PACRG: variants seen among roughly 807,000 people sequenced by gnomAD.
PACRG encodes parkin coregulated.
Under a neutral mutation model 29.7 loss-of-function variants are expected in PACRG, and 29 were observed. That is an observed-to-expected ratio of 0.98 (90% CI 0.73 to 1.33). The LOEUF (loss-of-function observed/expected upper bound fraction) is 1.33, where lower values mean the gene tolerates loss of function less well. PACRG is among the 40% of genes most tolerant of loss of function. The probability of loss-of-function intolerance (pLI) is 0.00; values close to 1 mark genes in which losing one functional copy is unlikely to be tolerated. For missense variants in PACRG, 279 were observed against 316.2 expected (o/e 0.88, Z 0.89); for synonymous variants, 116 against 118.7 (o/e 0.98, Z 0.15).
At chr6:162,973,068 GA>G (rs1334483320) in intron 2 of PACRG, among the ~76,000 whole-genome samples, 1 of 152,088 alleles carries the variant, frequency 6.6e-6, no homozygotes, top group Non-Finnish European at 1.5e-5. Context: ...CATCAGTAAA[GA>G]AAAAAATGTA....
chr6:163,126,823 T>A (rs2128327392), intron 4 of PACRG, among the ~76,000 whole-genome samples: 1 of 152,322 alleles, frequency 6.6e-6, no homozygotes, highest in South Asian at 2.1e-4. Flanking sequence ...GGTGTTCACA[T>A]TTCTTCTTGT....
At chr6:162,776,518 A>G (rs987487386) in intron 1 of PACRG, among the ~76,000 whole-genome samples, 1 of 152,164 alleles carries the variant, frequency 6.6e-6, no homozygotes, top group South Asian at 2.1e-4. Context: ...GGGATTAAAG[A>G]TAGCGTCCAG....
At chr6:162,900,213 A>G (rs1795462765) in intron 2 of PACRG, among the ~76,000 whole-genome samples, 1 of 151,978 alleles carries the variant, frequency 6.6e-6, no homozygotes, top group Non-Finnish European at 1.5e-5. Flanking sequence ...TGCACTCACA[A>G]TGCTCACGGA....
chr6:163,062,795 A>C (rs1255355037), intron 3 of PACRG, among the ~76,000 whole-genome samples: 1 of 152,190 alleles, frequency 6.6e-6, no homozygotes, highest in Non-Finnish European at 1.5e-5. Flanking sequence ...TTTAATCTAC[A>C]ATAGGTAAGC....
chr6:163,184,051 A>G (rs1276520208), intron 4 of PACRG, among the ~76,000 whole-genome samples: 1 of 152,244 alleles, frequency 6.6e-6, no homozygotes, highest in Non-Finnish European at 1.5e-5. Flanking sequence ...ACTGTGAAAG[A>G]GTTTGCTACA....
At chr6:162,943,678 G>A (rs547712538) in intron 2 of PACRG, among the ~76,000 whole-genome samples, 81 of 152,182 alleles carry the variant, frequency 5.3e-4, no homozygotes, top group African/African-American at 1.8e-3. Context: ...TCCAGTGCCT[G>A]AGCTCGCCGT....
chr6:163,233,697 G>A (rs182296587), intron 4 of PACRG, among the ~76,000 whole-genome samples: 1 of 152,190 alleles, frequency 6.6e-6, no homozygotes, highest in Admixed American at 6.5e-5. Flanking sequence ...TGGAGAAAAT[G>A]GAAATATTTG....
chr6:163,272,892 C>CTTTTTTTTTTTTTTT lies in PACRG; in HGVS notation c.614-41932_614-41918dup. On this transcript the variant is annotated intron_variant, in intron 4 of 4. Coordinates refer to ENST00000366888, the MANE Select transcript of PACRG (RefSeq NM_001080379.2). Reference sequence around the variant, plus strand: ...AAACATTTGGTAATGATGCATCATTCTTTTTTTTTTTTTTTTTGAGACGGA... The same window carrying CTTTTTTTTTTTTTTT: ...AAACATTTGGTAATGATGCATCATTCTTTTTTTTTTTTTTTTTTTTTTTTTTTTTTTTGAGACGGA... 2.8e-3 allele frequency among the ~76,000 whole-genome samples: 303 copies of CTTTTTTTTTTTTTTT among 109,424 alleles called. 23 individuals carry two copies. The highest frequency in any genetic ancestry group is 3.4e-3 in the Non-Finnish European group (190 of 55,766). 71.8% of individuals were successfully genotyped at this position (109,424 alleles called of 152,430 possible).
intron 2 of PACRG, among the ~76,000 whole-genome samples, chr6:163,045,950 T>C (rs1159233327): frequency 2.0e-5 from 3 of 152,092 alleles, no homozygotes; most frequent in African/African-American, 4.8e-5. Context: ...TTCACTCCTA[T>C]ACGTTGATCT....
intron 4 of PACRG, among the ~76,000 whole-genome samples, chr6:163,201,317 T>C (rs901818387): frequency 2.0e-5 from 3 of 152,238 alleles, no homozygotes; most frequent in Non-Finnish European, 4.4e-5. Flanking sequence ...CCAGGAAGAC[T>C]ACAACATTTA....
At chr6:163,006,631 C>T (rs1218988920) in intron 2 of PACRG, among the ~76,000 whole-genome samples, 1 of 151,764 alleles carries the variant, frequency 6.6e-6, no homozygotes, top group Non-Finnish European at 1.5e-5. Context: ...TTATTAGGTG[C>T]ATAACTCTTT....
At chr6:163,011,245 C>T (rs905603596) in intron 2 of PACRG, among the ~76,000 whole-genome samples, 1 of 152,152 alleles carries the variant, frequency 6.6e-6, no homozygotes, top group African/African-American at 2.4e-5. Context: ...ATGATTTTGT[C>T]ACTGTGCAGG....
rs916966492 is a variant in PACRG, at chr6:163,004,240, CA to C, written c.292-57907del. Among the ~76,000 whole-genome samples the C allele has an allele frequency of 7.3e-5, 11 of 149,758 alleles. 1 individual carries two copies. The Admixed American group carries it at 7.4e-4, about 10-fold the overall frequency. On this transcript the variant is annotated intron_variant, in intron 2 of 4. Transcript: ENST00000366888. Reference sequence around the variant, plus strand: ...TATTAGCTATAATAAATATATATTTCAAATATGTATATGAACATATATATCA... The same window carrying C: ...TATTAGCTATAATAAATATATATTTCAATATGTATATGAACATATATATCA...
intron 2 of PACRG, among the ~76,000 whole-genome samples, chr6:162,883,159 T>C (rs957417364): frequency 2.0e-5 from 3 of 152,248 alleles, no homozygotes; most frequent in Non-Finnish European, 4.4e-5. Flanking sequence ...ACCAGGTTTT[T>C]TTTTTTAGCT....
At chr6:163,248,274 G>C (rs1782767885) in intron 4 of PACRG, among the ~76,000 whole-genome samples, 1 of 152,214 alleles carries the variant, frequency 6.6e-6, no homozygotes, top group South Asian at 2.1e-4. Context: ...GAGAATCAAA[G>C]AATGCATTAG....
chr6:163,297,346 C>T (rs6922260), intron 4 of PACRG, among the ~76,000 whole-genome samples: 18,093 of 152,190 alleles, frequency 0.12, 1,832 homozygotes, highest in African/African-American at 0.28. Context: ...TAAGGAGGCT[C>T]GTGTTGCAGC....
intron 4 of PACRG, among the ~76,000 whole-genome samples, chr6:163,298,883 C>G (rs73603733): frequency 0.013 from 1,983 of 152,318 alleles, 35 homozygotes; most frequent in African/African-American, 0.045. Context: ...GCCGACTTCT[C>G]CACACTAAGA....
intron 2 of PACRG, among the ~76,000 whole-genome samples, chr6:162,928,777 C>G (rs997236264): frequency 1.3e-5 from 2 of 151,868 alleles, no homozygotes; most frequent in Non-Finnish European, 2.9e-5. Context: ...ACTCCCCACT[C>G]TTTCCAACCT....
chr6:163,146,828 CA>C (rs1777821774), intron 4 of PACRG, among the ~76,000 whole-genome samples: 1 of 152,148 alleles, frequency 6.6e-6, no homozygotes. Flanking sequence ...GGCTTTTGTC[CA>C]AACATCTCTA....
Sources: allele counts gnomAD v4.1 joint callset (sites outside exome capture counted in the v4.1 genomes callset), GRCh38; gene constraint gnomAD v4.1.1; transcripts MANE v1.5; gene names NCBI Gene and HGNC (gene_info 2026-07-23, HGNC 2026-07-21).